TG: variants seen among roughly 807,000 people sequenced by gnomAD.
TG encodes the protein thyroglobulin.
TG carries 270 observed loss-of-function variants against 324.7 expected under a neutral mutation model. That is an observed-to-expected ratio of 0.83 (90% CI 0.75 to 0.92). The LOEUF is 0.92. Ranked by LOEUF, TG falls within the 40% of genes least tolerant of loss-of-function variation. The probability of loss-of-function intolerance (pLI) is 0.00; values close to 1 mark genes in which losing one functional copy is unlikely to be tolerated. For missense variants in TG, 3,591 were observed against 3,456.4 expected, an observed-to-expected ratio of 1.04 and a Z score of -0.98; for synonymous variants, 1,401 against 1,327.0, an observed-to-expected ratio of 1.06 and a Z score of -1.21.
At chr8:133,059,557 G>A (rs1411524878) in intron 41 of TG, among the ~76,000 whole-genome samples, 9 of 152,084 alleles carry the variant, frequency 5.9e-5, no homozygotes, top group South Asian at 2.1e-4. Context: ...CTCTTCCCCC[G>A]AGAATGCTTG....
rs1833306122 is a variant in TG, at chr8:133,000,095, C to A, written c.6263-11806C>A. Among the ~76,000 whole-genome samples, 3 of 152,318 alleles carry A rather than the reference C, an allele frequency of 2.0e-5. No individual in the cohort carries two copies. In the South Asian group the frequency reaches 6.2e-4, roughly 32 times the overall value. On this transcript the variant is annotated intron_variant, in intron 35 of 47. Coordinates refer to ENST00000220616, the MANE Select transcript of TG (RefSeq NM_003235.5). ...GCCATCATGCATTCAACAATGCAGACAGTGGTGAGAGCTCAGGCTCTGGAG... is the reference window on the plus strand; with the variant it reads ...GCCATCATGCATTCAACAATGCAGAAAGTGGTGAGAGCTCAGGCTCTGGAG...
intron 34 of TG, among the ~76,000 whole-genome samples, chr8:132,974,037 G>A (rs1040075049): frequency 5.3e-5 from 7 of 133,258 alleles, no homozygotes; most frequent in Admixed American, 3.4e-4. Context: ...CTTGTCACCC[G>A]GGCTGGAGTG....
chr8:133,129,398 GAT>G (rs964754556), intron 45 of TG, among the ~76,000 whole-genome samples: 9 of 152,196 alleles, frequency 5.9e-5, no homozygotes, highest in African/African-American at 2.2e-4. Flanking sequence ...CATGCTCAGT[GAT>G]ATCACTTTGA....
chr8:133,005,289 G>C (rs557176234), intron 35 of TG, among the ~76,000 whole-genome samples: 1 of 152,284 alleles, frequency 6.6e-6, no homozygotes, highest in South Asian at 2.1e-4. Context: ...GGGGGACAGG[G>C]GGACAGTGGG....
chr8:133,134,199 G>A (rs1450977235), intron 47 of TG, among the ~76,000 whole-genome samples: 1 of 152,144 alleles, frequency 6.6e-6, no homozygotes, highest in Non-Finnish European at 1.5e-5. Context: ...ACACAACCCA[G>A]GGGATGGCCC....
At position 132,887,497 on chromosome 8, in the gene TG, G is replaced by A. The variant is rs1282455611; in HGVS notation, c.2125G>A (p.Glu709Lys). Residue 709 changes from glutamate (E) to lysine (K), a missense_variant, in exon 9 of 48, where the codon GAG (glutamate) becomes AAG (lysine). Glu to Lys is a moderately conservative substitution (Grantham distance 56, BLOSUM62 1). Transcript: ENST00000220616. ...CTCAGAGTGCTACTGTGTTGATGCT[G>A]AGGGTCAGGCCATTCCTGGAACTCG... ...FNSECYCVDA[E>K]GQAIPGTRSA... 1.2e-6 allele frequency: 2 copies of A among 1,614,192 alleles called. No homozygotes were observed. The highest frequency in any genetic ancestry group is 4.5e-5 in the East Asian group (2 of 44,884).
rs1844672682 is a variant in TG at position 133,075,194 on chromosome 8, C to G, written c.7240-19850C>G. 9.1e-6 allele frequency: 8 copies of G among 883,778 alleles called. No homozygotes were observed. In the South Asian group the frequency reaches 4.2e-4, roughly 46 times the overall value. The allele number at this position is 883,778 out of a possible 1,614,324, so 54.7% of individuals were successfully genotyped here. A position where few individuals can be genotyped will look rare whatever the true frequency, so the allele number is the denominator to read the frequency against. On this transcript the variant is annotated intron_variant, in intron 41 of 47. Transcript: ENST00000220616. ...ATTTGAGAATATGGCCAGCTTAACT[C>G]TGGATTCTGGAATTTCAGAAGCTTG...
At chr8:133,108,785 A>T (rs751891360) in intron 43 of TG, among the ~76,000 whole-genome samples, 8 of 152,220 alleles carry the variant, frequency 5.3e-5, no homozygotes, top group Admixed American at 1.3e-4. Flanking sequence ...GGGGCTATGG[A>T]CACAATCCCT....
intron 41 of TG, among the ~76,000 whole-genome samples, chr8:133,066,289 G>A (rs936274885): frequency 2.1e-4 from 28 of 133,310 alleles, no homozygotes; most frequent in Non-Finnish European, 3.0e-5. Flanking sequence ...TCTCGCCACT[G>A]CACTCCAACC....
intron 21 of TG, among the ~76,000 whole-genome samples, chr8:132,922,583 G>A (rs1165989943): frequency 6.6e-6 from 1 of 152,224 alleles, no homozygotes; most frequent in Non-Finnish European, 1.5e-5. Context: ...GTCCAGAGAT[G>A]TCTTAGTCCA....
At chr8:132,963,600 G>T (rs1828073309) in intron 29 of TG, among the ~76,000 whole-genome samples, 1 of 152,164 alleles carries the variant, frequency 6.6e-6, no homozygotes, top group Non-Finnish European at 1.5e-5. Context: ...AACTCAGAGA[G>T]AGAGGGAGAT....
chr8:133,022,192 C>T, intron 40 of TG, 42 bp downstream of exon 40: 2 of 1,613,300 alleles, frequency 1.2e-6, no homozygotes, highest in Non-Finnish European at 1.7e-6. Context: ...CCCCCTGAGC[C>T]AAGGCTCAGC....
intron 21 of TG, among the ~76,000 whole-genome samples, chr8:132,919,945 A>T (rs928032542): frequency 6.6e-6 from 1 of 152,230 alleles, no homozygotes; most frequent in Non-Finnish European, 1.5e-5. Context: ...GCTTTTACAG[A>T]TAAGAAAGCT....
chr8:133,003,322 T>A (rs1429417245), intron 35 of TG: 1 of 152,304 alleles, frequency 6.6e-6, no homozygotes, highest in African/African-American at 2.4e-5. Context: ...TCTAGCATAA[T>A]TTTTTTCTAC....
chr8:133,089,009 G>A (rs983084930), intron 41 of TG, among the ~76,000 whole-genome samples: 1 of 152,236 alleles, frequency 6.6e-6, no homozygotes, highest in East Asian at 1.9e-4. Flanking sequence ...CTGCTCAATA[G>A]CATGCCACAA....
chr8:133,112,786 C>T (rs1419235032), intron 43 of TG, among the ~76,000 whole-genome samples: 13 of 152,126 alleles, frequency 8.5e-5, no homozygotes, highest in Non-Finnish European at 1.5e-4. Flanking sequence ...TTCTTTGTAG[C>T]ACCTGTTCCC....
chr8:132,903,919 G>A (rs1189857427), intron 16 of TG, among the ~76,000 whole-genome samples: 2 of 152,216 alleles, frequency 1.3e-5, no homozygotes, highest in Non-Finnish European at 2.9e-5. Flanking sequence ...AAACTGTTGA[G>A]CACTGGAATT....
chr8:132,871,628 A>T, intron 4 of TG, 77 bp downstream of exon 4: 2 of 1,473,140 alleles, frequency 1.4e-6, no homozygotes, highest in Non-Finnish European at 1.9e-6. Context: ...CAACACATTT[A>T]GGGTTTCCTG....
chr8:133,064,659 G>A (rs1207394604), intron 41 of TG, among the ~76,000 whole-genome samples: 2 of 152,238 alleles, frequency 1.3e-5, no homozygotes, highest in Non-Finnish European at 1.5e-5. Flanking sequence ...CTGGCATGGC[G>A]TTGCCGTCGA....
Sources: gnomAD v4.1 joint callset for allele counts (sites outside exome capture counted in the v4.1 genomes callset) on GRCh38, gnomAD v4.1.1 for gene constraint, MANE v1.5 for transcripts, NCBI Gene and HGNC (gene_info 2026-07-23, HGNC 2026-07-21) for gene names.